ATP8A1: variants seen among roughly 807,000 people sequenced by gnomAD.
ATP8A1 encodes phospholipid-transporting ATPase IA.
In ATP8A1, 90 loss-of-function variants were observed where a neutral mutation model predicts 177.7. The ratio of observed to expected loss-of-function variants is 0.51; its 90% CI spans 0.43 to 0.60. ATP8A1 has a LOEUF of 0.60. Ranked by LOEUF, ATP8A1 falls within the 20% of genes least tolerant of loss-of-function variation. The probability of loss-of-function intolerance (pLI) is 0.00; values close to 1 mark genes in which losing one functional copy is unlikely to be tolerated. For missense variants in ATP8A1, 1,072 were observed against 1,392.8 expected (o/e 0.77, Z 3.67); for synonymous variants, 493 against 485.9 (o/e 1.01, Z -0.19).
chr4:42,422,974 A>T (rs778445651), intron 34 of ATP8A1, 75 bp from the exon 35 acceptor site: 1 of 1,156,882 alleles, frequency 8.6e-7, no homozygotes, highest in Non-Finnish European at 1.3e-6. Flanking sequence ...TGTCTGGCTT[A>T]TTATCACGCG....
chr4:42,617,206 G>A (rs1415688622), intron 4 of ATP8A1, among the ~76,000 whole-genome samples: 1 of 152,192 alleles, frequency 6.6e-6, no homozygotes, highest in Non-Finnish European at 1.5e-5. Flanking sequence ...AAGAGGAATA[G>A]ATAAGAGCTG....
chr4:42,522,025 T>C, intron 22 of ATP8A1, 135 bp downstream of exon 22: 1 of 965,452 alleles, frequency 1.0e-6, no homozygotes, highest in Non-Finnish European at 1.5e-6. Context: ...TGTTAATGCT[T>C]AGATGATGAG....
chr4:42,642,295 A>G (rs1460362), intron 1 of ATP8A1, among the ~76,000 whole-genome samples: 123,251 of 152,134 alleles, frequency 0.81, 50,286 homozygotes, highest in African/African-American at 0.88. Context: ...ACTCCAGCAC[A>G]CCCTAACGAG....
Position 42,556,058 on chromosome 4 carries a change from T to TA in ATP8A1, c.1341-19dup. The stretch of plus-strand genomic sequence containing the variant: ...AGTTCTGCCTGAAGGGGGTAAAAAA[T>TA]AGAGTAAACCCAGTTCATTTATACC... On this transcript the variant is annotated intron_variant, in intron 15 of 36. Transcript: ENST00000381668. 6.3e-7 allele frequency: 1 copy of TA among 1,585,486 alleles called. No homozygotes were observed. The highest frequency in any genetic ancestry group is 8.6e-7 in the Non-Finnish European group (1 of 1,156,540).
intron 16 of ATP8A1, among the ~76,000 whole-genome samples, chr4:42,554,380 TAAG>T (rs1442016878): frequency 3.3e-5 from 5 of 152,148 alleles, no homozygotes; most frequent in Non-Finnish European, 5.9e-5. Context: ...CTCTAATTCC[TAAG>T]AAGAGTCACA....
At chr4:42,485,254 A>G (rs1722074145) in intron 25 of ATP8A1, among the ~76,000 whole-genome samples, 1 of 152,220 alleles carries the variant, frequency 6.6e-6, no homozygotes, top group Admixed American at 6.5e-5. Flanking sequence ...AATTTTAAAC[A>G]AAGATAATGG....
At chr4:42,556,082 C>T (rs1164386658) in intron 15 of ATP8A1, 42 bp from the exon 16 acceptor site, 5 of 1,370,116 alleles carry the variant, frequency 3.6e-6, no homozygotes, top group Non-Finnish European at 5.2e-6. Context: ...TTCATTTATA[C>T]CAGCCCACTG....
intron 4 of ATP8A1, among the ~76,000 whole-genome samples, chr4:42,623,876 C>T (rs59123273): frequency 6.6e-6 from 1 of 151,708 alleles, no homozygotes; most frequent in African/African-American, 2.4e-5. Context: ...TTCTCTCTCT[C>T]TATATATATA....
intron 23 of ATP8A1, among the ~76,000 whole-genome samples, chr4:42,506,586 C>T (rs1017539432): frequency 6.6e-6 from 1 of 152,142 alleles, no homozygotes; most frequent in African/African-American, 2.4e-5. Flanking sequence ...TGAGGACAGC[C>T]GATCTTGAAC....
intron 19 of ATP8A1, among the ~76,000 whole-genome samples, chr4:42,546,848 C>CTA (rs1315166874): frequency 6.6e-6 from 1 of 152,196 alleles, no homozygotes; most frequent in Admixed American, 6.5e-5. Context: ...TGGCTCTGTG[C>CTA]TATGACCCTC....
At chr4:42,542,343 TC>T (rs1182089231) in intron 20 of ATP8A1, among the ~76,000 whole-genome samples, 1 of 152,164 alleles carries the variant, frequency 6.6e-6, no homozygotes, top group Non-Finnish European at 1.5e-5. Context: ...AGAAGATGAT[TC>T]CAAACTATAC....
At chr4:42,443,898 C>G (rs1005976453) in intron 32 of ATP8A1, among the ~76,000 whole-genome samples, 1 of 152,128 alleles carries the variant, frequency 6.6e-6, no homozygotes, top group Non-Finnish European at 1.5e-5. Context: ...AACTGTTCCT[C>G]CTCTAGCTTT....
intron 1 of ATP8A1, among the ~76,000 whole-genome samples, chr4:42,654,451 C>G (rs1741424750): frequency 6.6e-6 from 1 of 152,114 alleles, no homozygotes; most frequent in African/African-American, 2.4e-5. Context: ...TACTTGGGAA[C>G]TAGGGCTATA....
chr4:42,639,926 A>G (rs545998846), intron 1 of ATP8A1, among the ~76,000 whole-genome samples: 216 of 152,316 alleles, frequency 1.4e-3, no homozygotes, highest in African/African-American at 4.9e-3. Flanking sequence ...TATAATACCT[A>G]ACACAATGCC....
At chr4:42,413,711 A>AT (rs1005311812) in intron 36 of ATP8A1, among the ~76,000 whole-genome samples, 16 of 151,942 alleles carry the variant, frequency 1.1e-4, no homozygotes, top group Non-Finnish European at 1.9e-4. Context: ...AATTTTGTGA[A>AT]TTTTTTTTTC....
At chr4:42,595,043 C>T (rs7672084) in intron 6 of ATP8A1, among the ~76,000 whole-genome samples, 60,714 of 151,956 alleles carry the variant, frequency 0.4, 12,044 homozygotes, top group East Asian at 0.47. Flanking sequence ...AGATGTGTCA[C>T]ATAGCTTTTG....
rs114928353 is a variant in ATP8A1, at chr4:42,637,562, A to C, written c.50-10453T>G. On this transcript the variant is annotated intron_variant, in intron 1 of 36. Coordinates refer to ENST00000381668, the MANE Select transcript of ATP8A1 (RefSeq NM_006095.2). ...GGGTTCACTTTTTAAAAGAGTTCTA[A>C]AAATGAAGATTAGGAGACATCACTT... Among the ~76,000 whole-genome samples the C allele has an allele frequency of 3.1e-3, 472 of 152,308 alleles. 1 individual carries two copies. The highest frequency in any genetic ancestry group is 4.9e-3 in the Non-Finnish European group (332 of 68,022).
At chr4:42,561,789 A>G (rs920231744) in intron 15 of ATP8A1, 1 of 152,210 alleles carries the variant, frequency 6.6e-6, no homozygotes, top group Non-Finnish European at 1.5e-5. Flanking sequence ...GTGGATCTCA[A>G]TAGGGACCTA....
intron 24 of ATP8A1, among the ~76,000 whole-genome samples, chr4:42,496,754 A>C (rs1723309636): frequency 6.6e-6 from 1 of 152,164 alleles, no homozygotes; most frequent in South Asian, 2.1e-4. Context: ...ACACATATAC[A>C]CACATATATA....
Sources: allele counts gnomAD v4.1 joint callset (sites outside exome capture counted in the v4.1 genomes callset), GRCh38; gene constraint gnomAD v4.1.1; transcripts MANE v1.5; gene names NCBI Gene and HGNC (gene_info 2026-07-23, HGNC 2026-07-21).